SCN11A: variants seen among roughly 807,000 people sequenced by gnomAD.
The protein encoded by SCN11A is sodium channel protein type 11 subunit alpha.
In SCN11A, 122 loss-of-function variants were observed where a neutral mutation model predicts 162.2. The ratio of observed to expected loss-of-function variants is 0.75; its 90% confidence interval spans 0.65 to 0.87. SCN11A has a LOEUF of 0.87. Among genes scored for constraint, SCN11A ranks in the 40% least tolerant of loss-of-function variants. SCN11A has a pLI of 0.00. For synonymous variants in SCN11A, 758 were observed against 751.5 expected (o/e 1.01, Z -0.14); for missense variants, 2,015 against 2,181.6 (o/e 0.92, Z 1.52).
In SCN11A at chr3:38,894,920, A is replaced by G. The variant is rs376128467; in HGVS notation, c.2448T>C (p.Asn816=). 1 of 1,613,816 alleles carries G rather than the reference A, an allele frequency of 6.2e-7. No homozygotes were observed. Among genetic ancestry groups the G allele is most frequent in the African/African-American group, 1.3e-5 (1 of 74,892 alleles). Residue 816 remains asparagine, a synonymous_variant, in exon 19 of 30, where the codon AAT becomes AAC. Transcript: ENST00000302328. The stretch of plus-strand genomic sequence containing the variant: ...CTTCTAAGTTTCCATTTCTTTCCTC[A>G]TTGCTAAAGGAATTGAGCAGTAAGG... ...FIALLLNSFS[N]EERNGNLEGE...
In SCN11A at chr3:38,919,930, C is replaced by T. The variant is rs373324936; in HGVS notation, c.959+5G>A. The T allele has an allele frequency of 6.2e-6, 10 of 1,609,348 alleles. No homozygotes were observed. In the Admixed American group the frequency reaches 1.7e-4, roughly 27 times the overall value. On this transcript the variant is annotated splice_donor_5th_base_variant and intron_variant, in intron 11 of 29. Transcript: ENST00000302328. Reference sequence around the variant, plus strand: ...TTGGGAGGAAAATGATTATAAACCTCTTACCTGTTACCCATCCAGATGCCA... The same window carrying T: ...TTGGGAGGAAAATGATTATAAACCTTTTACCTGTTACCCATCCAGATGCCA...
chr3:38,883,508 A>C (rs1411278871), intron 21 of SCN11A, 121 bp from the exon 22 acceptor site: 1 of 849,060 alleles, frequency 1.2e-6, no homozygotes, highest in Non-Finnish European at 1.8e-6. Context: ...GCTCCCATTA[A>C]AGAAGTAGAG....
intron 5 of SCN11A, among the ~76,000 whole-genome samples, chr3:38,947,789 T>TA (rs1377829288): frequency 6.6e-6 from 1 of 152,236 alleles, no homozygotes; most frequent in East Asian, 1.9e-4. Flanking sequence ...CATGTAACTG[T>TA]AATCTAGCTG....
rs1382485247 is a variant in SCN11A at position 38,885,395 on chromosome 3, T to C, written c.2957A>G (p.Asp986Gly). The C allele has an allele frequency of 2.5e-6, 4 of 1,590,970 alleles. No homozygotes were observed. The highest frequency in any genetic ancestry group is 2.2e-5 in the South Asian group (2 of 90,590). The change falls in exon 21 of 30, where the codon GAT (aspartate) becomes GGT (glycine). Residue 986 changes from aspartate to glycine, a missense_variant. Physicochemically the swap from Asp to Gly is moderately conservative, Grantham distance 94. Coordinates refer to ENST00000302328, the MANE Select transcript of SCN11A (RefSeq NM_001349253.2). Reference sequence around the variant, plus strand: ...ACATTCTGATAGTATACTGGTAACATCAGACTTCTGCACATCAGAACAAAA... The same window carrying C: ...ACATTCTGATAGTATACTGGTAACACCAGACTTCTGCACATCAGAACAAAA... ...LTIQDPRKKSDVTSILSECST... is the reference protein window; with the variant it reads ...LTIQDPRKKSGVTSILSECST...
rs567004796 is a variant in SCN11A, at chr3:38,905,064, C to A, written c.1603+128G>T. ...AAGAGGCAAAGGAAGTCACTCTTTG[C>A]AGGATGGTACAGTGGGTTGGTTCCA... is the stretch of plus-strand genomic sequence containing the variant. On this transcript the variant is annotated intron_variant, in intron 15 of 29. Coordinates refer to ENST00000302328, the MANE Select transcript of SCN11A (RefSeq NM_001349253.2). The A allele has an allele frequency of 3.4e-5, 40 of 1,184,536 alleles. No homozygotes were observed. In the South Asian group the frequency reaches 4.0e-4, roughly 12 times the overall value. The allele number at this position is 1,184,536 out of a possible 1,614,324, so 73.4% of individuals were successfully genotyped here.
intron 27 of SCN11A, among the ~76,000 whole-genome samples, chr3:38,863,650 G>A (rs1255901490): frequency 1.3e-5 from 2 of 151,654 alleles, no homozygotes; most frequent in Non-Finnish European, 2.9e-5. Flanking sequence ...CAAAAATTTA[G>A]ACAAACATCT....
At chr3:38,886,556 A>G (rs1241080709) in intron 19 of SCN11A, among the ~76,000 whole-genome samples, 3 of 152,222 alleles carry the variant, frequency 2.0e-5, no homozygotes, top group African/African-American at 4.8e-5. Context: ...GGGATTTAAT[A>G]TATTTTAAAT....
intron 2 of SCN11A, among the ~76,000 whole-genome samples, chr3:39,028,513 C>A (rs1461220979): frequency 6.6e-6 from 1 of 152,120 alleles, no homozygotes. Context: ...AACACTCATG[C>A]CATACCATTC....
rs1491445979 is a variant in SCN11A, at chr3:38,963,422, G to GAT, written c.-279-3000_-279-2999insAT. Among the ~76,000 whole-genome samples, 37 of 41,676 alleles carry GAT rather than the reference G, an allele frequency of 8.9e-4. 2 individuals are homozygous for GAT. Among genetic ancestry groups the GAT allele is most frequent in the Non-Finnish European group, 7.5e-4 (19 of 25,226 alleles). The allele number at this position is 41,676 out of a possible 152,430, so 27.3% of individuals were successfully genotyped here. Reference sequence around the variant, plus strand: ...TATATATATATATATATATATGATGGAGATATATATATATATATATATGAT... The same window carrying GAT: ...TATATATATATATATATATATGATGGATAGATATATATATATATATATATGAT... On this transcript the variant is annotated intron_variant, in intron 2 of 29. Transcript: ENST00000302328.
At chr3:38,939,165 T>C (rs2066402066) in intron 7 of SCN11A, among the ~76,000 whole-genome samples, 1 of 151,974 alleles carries the variant, frequency 6.6e-6, no homozygotes, top group Non-Finnish European at 1.5e-5. Context: ...AAAGCGAGAT[T>C]CTGTCTCAAA....
chr3:38,886,521 A>T (rs1051241767), intron 19 of SCN11A, among the ~76,000 whole-genome samples: 1 of 152,180 alleles, frequency 6.6e-6, no homozygotes, highest in African/African-American at 2.4e-5. Flanking sequence ...TAAAACTTAC[A>T]TGGAGATTTA....
chr3:38,946,532 C>T (rs1416205559), intron 6 of SCN11A, among the ~76,000 whole-genome samples: 3 of 152,218 alleles, frequency 2.0e-5, no homozygotes, highest in Non-Finnish European at 4.4e-5. Flanking sequence ...CCTCTCCCTG[C>T]TACCACTTTC....
intron 2 of SCN11A, among the ~76,000 whole-genome samples, chr3:38,994,156 A>C (rs1443383919): frequency 6.6e-6 from 1 of 152,228 alleles, no homozygotes; most frequent in African/African-American, 2.4e-5. Context: ...GAATCAAACT[A>C]GACACAAGAT....
At chr3:38,876,751 T>C (rs1035626668) in intron 23 of SCN11A, among the ~76,000 whole-genome samples, 2 of 152,042 alleles carry the variant, frequency 1.3e-5, no homozygotes, top group African/African-American at 4.8e-5. Flanking sequence ...ACACTGCTGG[T>C]GGGAATGTAA....
At chr3:39,041,795 AG>A (rs1264810502) in intron 1 of SCN11A, among the ~76,000 whole-genome samples, 1 of 151,628 alleles carries the variant, frequency 6.6e-6, no homozygotes, top group Non-Finnish European at 1.5e-5. Flanking sequence ...CAAATGAGAA[AG>A]AAAAATAAAC....
Position 39,019,471 on chromosome 3 carries a change from G to A in SCN11A, c.-280+12909C>T, listed in dbSNP as rs148109161. On this transcript the variant is annotated intron_variant, in intron 2 of 29. Transcript: ENST00000302328. ...ACTCTGTCTCCTGTGTGACGTGGCC[G>A]GCCTCACATCAATTAAACTCTTTCT... 4.6e-5 allele frequency among the ~76,000 whole-genome samples: 7 copies of A among 152,256 alleles called. No individual in the cohort carries two copies. In the South Asian group the frequency reaches 6.2e-4, roughly 14 times the overall value.
chr3:38,950,057 ACCCC>A, intron 5 of SCN11A, 35 bp downstream of exon 5: 30 of 100,298 alleles, frequency 3.0e-4, no homozygotes, highest in East Asian at 7.5e-4. Flanking sequence ...TGGTTAGAAC[ACCCC>A]CACCCCCACC....
chr3:38,872,954 A>C (rs1013452977), intron 23 of SCN11A, among the ~76,000 whole-genome samples: 1 of 152,206 alleles, frequency 6.6e-6, no homozygotes, highest in African/African-American at 2.4e-5. Flanking sequence ...GTTACATGGA[A>C]AAAATAAATT....
chr3:38,931,601 G>T (rs1202808724), intron 7 of SCN11A, among the ~76,000 whole-genome samples: 1 of 152,178 alleles, frequency 6.6e-6, no homozygotes, highest in African/African-American at 2.4e-5. Context: ...CAGATTCCAG[G>T]AGGAAAGCCT....
Sources: gnomAD v4.1 joint callset for allele counts (sites outside exome capture counted in the v4.1 genomes callset) on GRCh38, gnomAD v4.1.1 for gene constraint, MANE v1.5 for transcripts, NCBI Gene and HGNC (gene_info 2026-07-23, HGNC 2026-07-21) for gene names.